Variants in RAP1GAP2 observed in about 807,000 individuals in gnomAD.
RAP1GAP2 encodes rap1 GTPase-activating protein 2.
Under a neutral mutation model 95.0 loss-of-function variants are expected in RAP1GAP2, and 27 were observed. The observed-to-expected ratio is 0.28, with a 90% CI of 0.21 to 0.39. The LOEUF is 0.39. Among genes scored for constraint, RAP1GAP2 ranks in the 10% least tolerant of loss-of-function variants. The pLI is 1.00. For missense variants in RAP1GAP2, 771 were observed against 970.0 expected (o/e 0.79, Z 2.72); for synonymous variants, 373 against 380.9 (o/e 0.98, Z 0.24).
chr17:2,812,343 G>A (rs2069804602), intron 2 of RAP1GAP2, among the ~76,000 whole-genome samples: 1 of 152,308 alleles, frequency 6.6e-6, no homozygotes, highest in South Asian at 2.1e-4. Flanking sequence ...TCATGGGGGG[G>A]TGGTTCCTCC....
chr17:2,807,398 G>A (rs1370554426), intron 2 of RAP1GAP2, among the ~76,000 whole-genome samples: 1 of 152,224 alleles, frequency 6.6e-6, no homozygotes, highest in Non-Finnish European at 1.5e-5. Context: ...TCTGCTGAGA[G>A]TTTGCTGGGG....
At position 3,012,631 on chromosome 17, in the gene RAP1GAP2, A is replaced by C. The variant is rs918602603; in HGVS notation, c.1494+4486A>C. ...AAAAAAAAAAAAAAAAAAAAAAAAA[A>C]CAAACCTAAAGTTTGCAGTGATCAC... On this transcript the variant is annotated intron_variant, in intron 17 of 24. Coordinates refer to ENST00000254695, the MANE Select transcript of RAP1GAP2 (RefSeq NM_015085.5). Among the ~76,000 whole-genome samples, 8 of 124,858 alleles carry C rather than the reference A, an allele frequency of 6.4e-5. No homozygotes were observed. The East Asian group carries it at 7.1e-4, about 11-fold the overall frequency. 81.9% of individuals were successfully genotyped at this position (124,858 alleles called of 152,430 possible).
intron 2 of RAP1GAP2, among the ~76,000 whole-genome samples, chr17:2,831,669 T>C (rs556221321): frequency 2.2e-4 from 33 of 152,070 alleles, no homozygotes; most frequent in African/African-American, 7.5e-4. Flanking sequence ...CGTGTGTGGA[T>C]TGCTTGAGCC....
intron 2 of RAP1GAP2, among the ~76,000 whole-genome samples, chr17:2,882,104 G>A (rs1008853050): frequency 2.0e-5 from 3 of 147,874 alleles, no homozygotes; most frequent in African/African-American, 5.0e-5. Flanking sequence ...ACAGGCATGA[G>A]CCACTGTGCC....
chr17:2,824,609 G>A (rs967219810), intron 2 of RAP1GAP2, among the ~76,000 whole-genome samples: 2 of 149,446 alleles, frequency 1.3e-5, no homozygotes, highest in African/African-American at 4.9e-5. Context: ...GCATGGTGGT[G>A]CATGCCTGTA....
chr17:2,833,989 C>T (rs968091886), intron 2 of RAP1GAP2, among the ~76,000 whole-genome samples: 39 of 152,262 alleles, frequency 2.6e-4, no homozygotes, highest in Admixed American at 2.2e-3. Context: ...CTGTACCCTC[C>T]GCCCAGAGAA....
At chr17:2,778,156 G>A (rs1164163892) in intron 1 of RAP1GAP2, among the ~76,000 whole-genome samples, 1 of 151,076 alleles carries the variant, frequency 6.6e-6, no homozygotes, top group Admixed American at 6.6e-5. Context: ...TCCAAGCTGT[G>A]GTGCTGGGTT....
At chr17:2,785,558 CT>C (rs2068752680) in intron 1 of RAP1GAP2, among the ~76,000 whole-genome samples, 1 of 152,136 alleles carries the variant, frequency 6.6e-6, no homozygotes, top group Admixed American at 6.5e-5. Flanking sequence ...CATTGTGAAA[CT>C]TTTTGTTCTG....
At chr17:2,872,447 G>A (rs2072884136) in intron 2 of RAP1GAP2, among the ~76,000 whole-genome samples, 2 of 151,834 alleles carry the variant, frequency 1.3e-5, no homozygotes, top group South Asian at 4.2e-4. Context: ...AAAGACCGTT[G>A]GTTACAGAGG....
rs140661515 is a variant in RAP1GAP2 at position 2,830,363 on chromosome 17, G to A, written c.80+29813G>A. 2.3e-4 allele frequency among the ~76,000 whole-genome samples: 35 copies of A among 152,106 alleles called. No individual in the cohort carries two copies. The South Asian group carries it at 3.7e-3, about 16-fold the overall frequency. On this transcript the variant is annotated intron_variant, in intron 2 of 24. Transcript: ENST00000254695. ...CATGAGGCGGAGGTTGCAGTGAGCC[G>A]AGGAGATCGTGCCATTGCACTCCAG...
At chr17:2,800,106 C>G (rs62089690) in intron 1 of RAP1GAP2, 120,612 of 786,252 alleles carry the variant, frequency 0.15, 10,122 homozygotes, top group African/African-American at 0.3. Context: ...ACCTGGCATT[C>G]AGATTGACAT....
intron 2 of RAP1GAP2, among the ~76,000 whole-genome samples, chr17:2,854,822 G>C (rs1454037316): frequency 6.6e-6 from 1 of 152,212 alleles, no homozygotes; most frequent in African/African-American, 2.4e-5. Flanking sequence ...TACCAGGCAG[G>C]TCGTTGGCAC....
At chr17:2,810,247 G>A (rs1424907749) in intron 2 of RAP1GAP2, among the ~76,000 whole-genome samples, 2 of 152,054 alleles carry the variant, frequency 1.3e-5, no homozygotes, top group Non-Finnish European at 2.9e-5. Flanking sequence ...CCTAATCCCC[G>A]ATGGCCTTCC....
intron 18 of RAP1GAP2, 64 bp from the exon 19 acceptor site, chr17:3,020,413 G>T: frequency 7.6e-7 from 1 of 1,312,694 alleles, no homozygotes; most frequent in Non-Finnish European, 1.1e-6. Context: ...CCAGGGAGGA[G>T]GATGAGGGGA....
At chr17:2,900,545 G>A (rs907491006) in intron 2 of RAP1GAP2, among the ~76,000 whole-genome samples, 11 of 151,870 alleles carry the variant, frequency 7.2e-5, no homozygotes, top group African/African-American at 2.7e-4. Flanking sequence ...AGGTTCAAGC[G>A]ATTCTCCTGC....
intron 22 of RAP1GAP2, among the ~76,000 whole-genome samples, chr17:3,028,612 G>A (rs1390489851): frequency 1.3e-5 from 2 of 152,136 alleles, no homozygotes; most frequent in Admixed American, 1.3e-4. Context: ...AGGGAAGATC[G>A]TGATTCCACA....
chr17:2,878,833 C>G (rs2073185432), intron 2 of RAP1GAP2, among the ~76,000 whole-genome samples: 1 of 152,252 alleles, frequency 6.6e-6, no homozygotes, highest in Non-Finnish European at 1.5e-5. Flanking sequence ...CACTTAGCCA[C>G]TTGGTAGCTG....
intron 3 of RAP1GAP2, among the ~76,000 whole-genome samples, chr17:2,931,139 A>G (rs2043135020): frequency 1.3e-5 from 2 of 151,724 alleles, no homozygotes; most frequent in Admixed American, 6.6e-5. Context: ...AAAAAAAAAA[A>G]AAAAAGAAGA....
At chr17:2,774,404 GAGC>G (rs2068452523), upstream of RAP1GAP2, among the ~76,000 whole-genome samples, 1 of 151,890 alleles carries the variant, frequency 6.6e-6, no homozygotes, top group Admixed American at 6.6e-5. Flanking sequence ...TTGAACAGCT[GAGC>G]AGTTGTATTT....
Sources: gnomAD v4.1 joint callset for allele counts (sites outside exome capture counted in the v4.1 genomes callset) on GRCh38, gnomAD v4.1.1 for gene constraint, MANE v1.5 for transcripts, NCBI Gene and HGNC (gene_info 2026-07-23, HGNC 2026-07-21) for gene names.